The following CKAP2L variants were observed in gnomAD, a reference collection of about 807,000 sequenced individuals.
CKAP2L encodes cytoskeleton associated protein 2L.
A neutral mutation model predicts 65.7 loss-of-function variants in CKAP2L; 42 were observed. The observed-to-expected ratio is 0.64, with a 90% CI of 0.50 to 0.83. The LOEUF (loss-of-function observed/expected upper bound fraction) is 0.83, where lower values mean the gene tolerates loss of function less well. Ranked by LOEUF, CKAP2L falls within the 40% of genes least tolerant of loss-of-function variation. The probability of loss-of-function intolerance (pLI) is 0.00; values close to 1 mark genes in which losing one functional copy is unlikely to be tolerated. For missense variants in CKAP2L, 908 were observed against 871.0 expected, an observed-to-expected ratio of 1.04 and a Z score of -0.53; for synonymous variants, 325 against 313.5, an observed-to-expected ratio of 1.04 and a Z score of -0.39.
At chr2:112,762,696 C>T (rs2104894083) in intron 1 of CKAP2L, 127 bp from the exon 2 acceptor site, 1 of 708,854 alleles carries the variant, frequency 1.4e-6, no homozygotes, top group African/African-American at 1.8e-5. Context: ...TATAAAATCC[C>T]TAGTCCTATA....
chr2:112,737,846 A>G lies in CKAP2L; in HGVS notation c.*977T>C, dbSNP rs1418271933. 6.6e-6 allele frequency: 1 copy of G among 152,244 alleles called. No homozygotes were observed. Among genetic ancestry groups the G allele is most frequent in the East Asian group, 1.9e-4 (1 of 5,204 alleles). The allele number at this position is 152,244 out of a possible 1,614,324, so 9.4% of individuals were successfully genotyped here. On this transcript the variant is annotated 3_prime_UTR_variant, in exon 9 of 9. Coordinates refer to ENST00000302450, the MANE Select transcript of CKAP2L (RefSeq NM_152515.5). The stretch of plus-strand genomic sequence containing the variant: ...TGCAAAGCCATTATCATGGTTTTCT[A>G]TAATAAATAAGATAAACAAGCAGGA...
At position 112,756,596 on chromosome 2, in the gene CKAP2L, G is replaced by A; in HGVS notation, c.775C>T (p.Gln259Ter). ...TQSRTFPVKS[Q>*]QLSRGADLAR... ...AGATCTGCTCCTCTAGAGAGTTGCT[G>A]TGATTTTACTGGGAAAGTCCTGCTT... Residue 259 changes from glutamine (Q) to a stop codon, truncating the protein, a stop_gained, in exon 4 of 9, where the codon CAG becomes TAG. Coordinates refer to ENST00000302450, the MANE Select transcript of CKAP2L (RefSeq NM_152515.5). LOFTEE classifies it high-confidence loss of function. The A allele has an allele frequency of 6.2e-7, 1 of 1,613,302 alleles. No homozygotes were observed. Among genetic ancestry groups the A allele is most frequent in the Non-Finnish European group, 8.5e-7 (1 of 1,179,790 alleles).
chr2:112,758,585 A>G (rs1450188816), intron 3 of CKAP2L, among the ~76,000 whole-genome samples: 2 of 152,180 alleles, frequency 1.3e-5, no homozygotes, highest in African/African-American at 4.8e-5. Flanking sequence ...TATACCCACA[A>G]TGGCTATATC....
Position 112,740,942 on chromosome 2 carries a change from T to C in CKAP2L, c.1888A>G (p.Met630Val). 4 of 1,614,044 alleles carry C rather than the reference T, an allele frequency of 2.5e-6. No homozygotes were observed. The highest frequency in any genetic ancestry group is 3.4e-6 in the Non-Finnish European group (4 of 1,179,950). The change falls in exon 8 of 9, where the codon ATG becomes GTG. Residue 630 changes from methionine (M) to valine (V), a missense_variant. Coordinates refer to ENST00000302450, the MANE Select transcript of CKAP2L (RefSeq NM_152515.5). ...GAAAGACAAGACTTCACAGATTCCA[T>C]CTTCTTGGCCAGCTCTTCCACTGAT... ...ITSVEELAKK[M>V]ESVKSCLSPK...
At chr2:112,742,970 T>C (rs533662382) in intron 6 of CKAP2L, 6 of 553,498 alleles carry the variant, frequency 1.1e-5, no homozygotes, top group Non-Finnish European at 1.9e-5. Flanking sequence ...GATTAAGTGT[T>C]GGCACACTCG....
chr2:112,754,393 TTGA>T (rs1217973047), intron 4 of CKAP2L, among the ~76,000 whole-genome samples: 1 of 152,214 alleles, frequency 6.6e-6, no homozygotes, highest in East Asian at 1.9e-4. Flanking sequence ...AACCACCTAC[TTGA>T]TGATACAAGG....
At chr2:112,747,290 C>A in intron 5 of CKAP2L, among the ~76,000 whole-genome samples, 1 of 152,080 alleles carries the variant, frequency 6.6e-6, no homozygotes, top group East Asian at 1.9e-4. Context: ...TATATGAGAC[C>A]AAATAGAAAA....
intron 7 of CKAP2L, among the ~76,000 whole-genome samples, chr2:112,741,419 A>G (rs1574319280): frequency 6.6e-6 from 1 of 152,316 alleles, no homozygotes; most frequent in East Asian, 1.9e-4. Context: ...ATTCCTCCCC[A>G]GGATGACCAC....
At chr2:112,750,303 G>C (rs1239010789) in intron 5 of CKAP2L, among the ~76,000 whole-genome samples, 1 of 152,190 alleles carries the variant, frequency 6.6e-6, no homozygotes, top group East Asian at 1.9e-4. Flanking sequence ...GTGCACACAG[G>C]CTTACCGCGT....
At chr2:112,748,484 A>G (rs1283873586) in intron 5 of CKAP2L, among the ~76,000 whole-genome samples, 1 of 152,208 alleles carries the variant, frequency 6.6e-6, no homozygotes, top group African/African-American at 2.4e-5. Context: ...ACAAGAATAC[A>G]GACTCAAAAG....
rs1248710906 is a variant in CKAP2L at position 112,738,834 on chromosome 2, G to A, written c.2227C>T (p.Pro743Ser). The A allele has an allele frequency of 6.2e-7, 1 of 1,600,352 alleles. No individual in the cohort carries two copies. Among genetic ancestry groups the A allele is most frequent in the African/African-American group, 1.3e-5 (1 of 74,614 alleles). ...AAAGCATCAAGAAATTATGATTCAG[G>A]GGTTTGAAACCCCAATGTTACAGGC... ...ALPVTLGFQT[P>S]ES Residue 743 changes from proline (P) to serine (S), a missense_variant, in exon 9 of 9, where the codon CCT becomes TCT. By Grantham distance (74) the Pro-to-Ser change is moderately conservative. Coordinates refer to ENST00000302450, the MANE Select transcript of CKAP2L (RefSeq NM_152515.5).
rs1348367974 is a variant in CKAP2L, at chr2:112,742,701, A to G, written c.1822+5T>C. On this transcript the variant is annotated splice_donor_5th_base_variant and intron_variant, in intron 7 of 8. Coordinates refer to ENST00000302450, the MANE Select transcript of CKAP2L (RefSeq NM_152515.5). ...AGATGAATTTAAATTCAAAAATAAT[A>G]GTACCTTCTGTGGTTCTGTTTGAGT... 11 of 1,567,728 alleles carry G rather than the reference A, an allele frequency of 7.0e-6. No homozygotes were observed. The highest frequency in any genetic ancestry group is 9.6e-6 in the Non-Finnish European group (11 of 1,142,144).
chr2:112,751,289 A>G (rs971593372), intron 5 of CKAP2L, among the ~76,000 whole-genome samples: 1 of 152,368 alleles, frequency 6.6e-6, no homozygotes, highest in East Asian at 1.9e-4. Flanking sequence ...AAAGTACACA[A>G]AAATGTGAAT....
intron 5 of CKAP2L, among the ~76,000 whole-genome samples, chr2:112,747,939 C>G (rs993123547): frequency 1.3e-5 from 2 of 152,196 alleles, no homozygotes; most frequent in African/African-American, 4.8e-5. Context: ...GGCAGAACAA[C>G]TGCATGGACA....
At position 112,738,819 on chromosome 2, in the gene CKAP2L, G is replaced by T. The variant is rs779434277; in HGVS notation, c.*4C>A. The T allele has an allele frequency of 5.1e-6, 8 of 1,576,302 alleles. No homozygotes were observed. The South Asian group carries it at 5.6e-5, about 11-fold the overall frequency. ...ACACCTTTTTTAAAAAAAGCATCAAGAAATTATGATTCAGGGGTTTGAAAC... is the reference window on the plus strand; with the variant it reads ...ACACCTTTTTTAAAAAAAGCATCAATAAATTATGATTCAGGGGTTTGAAAC... On this transcript the variant is annotated 3_prime_UTR_variant, in exon 9 of 9. Transcript: ENST00000302450.
rs1680540402 is a variant in CKAP2L, at chr2:112,756,459, C to T, written c.912G>A (p.Lys304=). ...GTCTTTCATATTGACTCCTATTAAC[C>T]TTTATATCTTTGATGTTCTTGACTA... The part of the protein sequence containing the change: ...KPVVKNIKDI[K]VNRSQYERPN... Residue 304 remains lysine (K), a synonymous_variant, in exon 4 of 9, where the codon AAG becomes AAA. Transcript: ENST00000302450. The T allele has an allele frequency of 6.2e-7, 1 of 1,612,632 alleles. No homozygotes were observed. Among genetic ancestry groups the T allele is most frequent in the Non-Finnish European group, 8.5e-7 (1 of 1,179,502 alleles).
At chr2:112,747,198 C>T (rs1490131689) in intron 5 of CKAP2L, among the ~76,000 whole-genome samples, 2 of 152,070 alleles carry the variant, frequency 1.3e-5, no homozygotes, top group South Asian at 2.1e-4. Context: ...TCAAGCAATC[C>T]TCCCACCTTA....
Position 112,742,769 on chromosome 2 carries a change from G to A in CKAP2L, c.1759C>T (p.Pro587Ser). The A allele has an allele frequency of 6.2e-7, 1 of 1,603,266 alleles. No homozygotes were observed. The highest frequency in any genetic ancestry group is 8.5e-7 in the Non-Finnish European group (1 of 1,174,676). ...ACAACTTTCCGCAACTCTTGTATTG[G>A]CTGGAAGGAAGGAAGAAAACATACA... is the stretch of plus-strand genomic sequence containing the variant. ...YEEAIKNGAT[P>S]IQELRKVVLN... is the part of the protein sequence containing the mutation. Residue 587 changes from proline to serine, a missense_variant and splice_region_variant, in exon 7 of 9, where the codon CCA (proline) becomes TCA (serine). Coordinates refer to ENST00000302450, the MANE Select transcript of CKAP2L (RefSeq NM_152515.5).
At chr2:112,752,236 A>G in intron 5 of CKAP2L, 31 bp downstream of exon 5, 1 of 1,532,012 alleles carries the variant, frequency 6.5e-7, no homozygotes, top group Non-Finnish European at 8.9e-7. Context: ...ACTTTGGGCC[A>G]AAGCTGGAGG....
Sources: gnomAD v4.1 joint callset for allele counts (sites outside exome capture counted in the v4.1 genomes callset) on GRCh38, gnomAD v4.1.1 for gene constraint, MANE v1.5 for transcripts, NCBI Gene and HGNC (gene_info 2026-07-23, HGNC 2026-07-21) for gene names.